HS2ST1: variants seen among roughly 807,000 people sequenced by gnomAD.
HS2ST1 encodes the protein 2-O-sulfotransferase.
Under a neutral mutation model 42.9 loss-of-function variants are expected in HS2ST1, and 18 were observed. The ratio of observed to expected loss-of-function variants is 0.42; its 90% CI spans 0.29 to 0.62. HS2ST1 has a LOEUF of 0.62. Among genes scored for constraint, HS2ST1 ranks in the 20% least tolerant of loss-of-function variants. The pLI is 0.21. For missense variants in HS2ST1, 334 were observed against 433.8 expected (o/e 0.77, Z 2.04); for synonymous variants, 146 against 152.9 (o/e 0.95, Z 0.33).
At chr1:86,987,956 C>T (rs992000822) in intron 1 of HS2ST1, among the ~76,000 whole-genome samples, 1 of 152,146 alleles carries the variant, frequency 6.6e-6, no homozygotes, top group African/African-American at 2.4e-5. Flanking sequence ...AATCACCATT[C>T]ATTTTTTCAA....
chr1:86,971,736 G>T (rs1557499304), intron 1 of HS2ST1, among the ~76,000 whole-genome samples: 1 of 152,058 alleles, frequency 6.6e-6, no homozygotes, highest in East Asian at 1.9e-4. Context: ...ATTGCATCAT[G>T]TTTTTGATCA....
At chr1:86,963,834 G>A (rs1442162886) in intron 1 of HS2ST1, among the ~76,000 whole-genome samples, 25 of 147,768 alleles carry the variant, frequency 1.7e-4, no homozygotes, top group Non-Finnish European at 3.2e-4. Flanking sequence ...GCCGGGCGGG[G>A]GCTGCCCCCC....
At chr1:87,046,505 G>T in intron 1 of HS2ST1, 6 of 1,384,434 alleles carry the variant, frequency 4.3e-6, no homozygotes, top group Non-Finnish European at 6.2e-6. Context: ...ATATAATCCA[G>T]TTAAACTTTT....
chr1:86,940,069 C>T (rs1362582069), intron 1 of HS2ST1, among the ~76,000 whole-genome samples: 2 of 152,012 alleles, frequency 1.3e-5, no homozygotes, highest in African/African-American at 4.8e-5. Flanking sequence ...CTCTTACTCT[C>T]AAAACTGAAA....
chr1:86,937,423 C>A (rs1161632976), intron 1 of HS2ST1, among the ~76,000 whole-genome samples: 2 of 152,102 alleles, frequency 1.3e-5, no homozygotes. Context: ...TGAAGAACAT[C>A]AAATATTAAC....
chr1:87,079,168 CCCAGGCTGGA>C (rs1651620343), intron 2 of HS2ST1, among the ~76,000 whole-genome samples: 1 of 151,164 alleles, frequency 6.6e-6, no homozygotes, highest in Non-Finnish European at 1.5e-5. Flanking sequence ...TGCTCGGTCG[CCCAGGCTGGA>C]CCAGGCTGGA....
chr1:86,944,899 GTT>G (rs1647284276), intron 1 of HS2ST1, among the ~76,000 whole-genome samples: 1 of 151,388 alleles, frequency 6.6e-6, no homozygotes, highest in Admixed American at 6.6e-5. Context: ...ATACTCCGCT[GTT>G]TTTACCCCAC....
intron 1 of HS2ST1, among the ~76,000 whole-genome samples, chr1:86,981,672 G>A (rs970110570): frequency 2.0e-5 from 3 of 152,228 alleles, no homozygotes; most frequent in Admixed American, 1.3e-4. Context: ...ACTGATGCAA[G>A]GGATAGGCTC....
chr1:86,989,388 G>A (rs141431016), intron 1 of HS2ST1, among the ~76,000 whole-genome samples: 234 of 152,188 alleles, frequency 1.5e-3, no homozygotes, highest in African/African-American at 5.3e-3. Context: ...TTCACATTCA[G>A]GACAGTATAG....
intron 1 of HS2ST1, among the ~76,000 whole-genome samples, chr1:87,032,613 G>T (rs1054775338): frequency 6.6e-6 from 1 of 152,094 alleles, no homozygotes; most frequent in Admixed American, 6.6e-5. Flanking sequence ...GATTGTTCCA[G>T]ATCAGCAGTT....
At chr1:87,017,472 A>G (rs1649793752) in intron 1 of HS2ST1, among the ~76,000 whole-genome samples, 1 of 152,126 alleles carries the variant, frequency 6.6e-6, no homozygotes, top group Non-Finnish European at 1.5e-5. Context: ...CTTCATATTT[A>G]TCATATGCCA....
rs1281759190 is a variant in HS2ST1 at position 87,106,748 on chromosome 1, T to C, written c.*2052T>C. 3 of 152,048 alleles carry C rather than the reference T, an allele frequency of 2.0e-5. No homozygotes were observed. In the East Asian group the frequency reaches 5.8e-4, roughly 29 times the overall value. 9.4% of individuals were successfully genotyped at this position (152,048 alleles called of 1,614,324 possible). On this transcript the variant is annotated 3_prime_UTR_variant, in exon 7 of 7. Transcript: ENST00000370550. ...GGTATTTCCTGAAAGTGTATACAAA[T>C]TATTTCCTCGCCCAAAATAAAGCAC...
intron 1 of HS2ST1, among the ~76,000 whole-genome samples, chr1:87,044,304 A>C (rs562036465): frequency 3.3e-5 from 5 of 152,262 alleles, no homozygotes; most frequent in Middle Eastern, 3.4e-3. Context: ...TATTTGGTCC[A>C]TAAGTATAGC....
intron 1 of HS2ST1, among the ~76,000 whole-genome samples, chr1:86,941,215 C>T (rs1399895867): frequency 1.3e-5 from 2 of 152,142 alleles, no homozygotes; most frequent in Non-Finnish European, 1.5e-5. Flanking sequence ...CCTACTCTGT[C>T]CCTAGTGCTG....
chr1:86,959,969 C>G (rs1309838644), intron 1 of HS2ST1, among the ~76,000 whole-genome samples: 1 of 152,036 alleles, frequency 6.6e-6, no homozygotes, highest in African/African-American at 2.4e-5. Flanking sequence ...GGTCAGAGAC[C>G]TAGACTAGGC....
At chr1:86,966,255 T>A (rs1648043763) in intron 1 of HS2ST1, among the ~76,000 whole-genome samples, 2 of 152,206 alleles carry the variant, frequency 1.3e-5, no homozygotes, top group Non-Finnish European at 2.9e-5. Flanking sequence ...GGTTTCTGTT[T>A]TTTTGATTGG....
In HS2ST1 at chr1:87,058,505, G is replaced by A. The variant is rs114517590; in HGVS notation, c.125-14429G>A. Among the ~76,000 whole-genome samples the A allele has an allele frequency of 1.6e-3, 249 of 151,232 alleles. 3 individuals carry two copies. Among genetic ancestry groups the A allele is most frequent in the African/African-American group, 5.9e-3 (240 of 40,842 alleles). ...GATCCATCCAGCTCATTCCCATTCT[G>A]GAGTACTCTAGCTTTTAACGTGTGC... On this transcript the variant is annotated intron_variant, in intron 1 of 6. Transcript: ENST00000370550.
intron 1 of HS2ST1, among the ~76,000 whole-genome samples, chr1:86,958,709 CA>C (rs1418149198): frequency 6.6e-6 from 1 of 152,038 alleles, no homozygotes; most frequent in African/African-American, 2.4e-5. Flanking sequence ...AAAATAGAAA[CA>C]GGGGGAATAC....
chr1:87,083,979 A>T (rs1373637267), intron 2 of HS2ST1, among the ~76,000 whole-genome samples: 1 of 152,176 alleles, frequency 6.6e-6, no homozygotes, highest in South Asian at 2.1e-4. Context: ...TTTCAGAATC[A>T]TCTTTCACTC....
Sources: gnomAD v4.1 joint callset for allele counts (sites outside exome capture counted in the v4.1 genomes callset) on GRCh38, gnomAD v4.1.1 for gene constraint, MANE v1.5 for transcripts, NCBI Gene and HGNC (gene_info 2026-07-23, HGNC 2026-07-21) for gene names.